The following KLC4 variants were observed in gnomAD, a reference collection of about 807,000 sequenced individuals.
KLC4 encodes the protein kinesin light chain 4.
In KLC4, 49 loss-of-function variants were observed where a neutral mutation model predicts 77.2. The observed-to-expected ratio is 0.63, with a 90% CI of 0.50 to 0.80. KLC4 has a LOEUF of 0.80. KLC4 is among the 30% of genes least tolerant of loss of function. The pLI, the probability that KLC4 is intolerant of heterozygous loss-of-function variation, is 0.00. For synonymous variants in KLC4, 274 were observed against 314.5 expected, an observed-to-expected ratio of 0.87 and a Z score of 1.36; for missense variants, 669 against 793.5, an observed-to-expected ratio of 0.84 and a Z score of 1.89.
chr6:43,073,784 T>G, intron 14 of KLC4, 118 bp from the exon 15 acceptor site: 3 of 833,178 alleles, frequency 3.6e-6, no homozygotes, highest in Non-Finnish European at 6.1e-6. Context: ...GGGCCAGCCA[T>G]GGAGAGAGAG....
At chr6:43,067,525 GTAATCCCAGCAC>G (rs1360079354) in intron 6 of KLC4, 1 of 157,498 alleles carries the variant, frequency 6.3e-6, no homozygotes, top group Non-Finnish European at 1.4e-5. Flanking sequence ...GCTCACGAGT[GTAATCCCAGCAC>G]TAATCCCAGC....
chr6:43,070,025 C>T (rs1765638869), intron 6 of KLC4, among the ~76,000 whole-genome samples: 1 of 151,312 alleles, frequency 6.6e-6, no homozygotes, highest in African/African-American at 2.4e-5. Context: ...CAGAGCTGTC[C>T]CACACATGCA....
chr6:43,066,169 C>T lies in KLC4; in HGVS notation c.572-137C>T. On this transcript the variant is annotated intron_variant, in intron 4 of 15. Coordinates refer to ENST00000347162, the MANE Select transcript of KLC4 (RefSeq NM_201521.3). ...GTCAAGGGAGTGGATAAAAGAATAG[C>T]ACTTGAGGCAGGTCTAATATTGAGA... 6 of 718,498 alleles carry T rather than the reference C, an allele frequency of 8.4e-6. No homozygotes were observed. In the South Asian group the frequency reaches 9.8e-5, roughly 12 times the overall value. 44.5% of individuals were successfully genotyped at this position (718,498 alleles called of 1,614,324 possible).
At chr6:43,067,687 C>G (rs576080758) in intron 6 of KLC4, among the ~76,000 whole-genome samples, 2 of 143,370 alleles carry the variant, frequency 1.4e-5, no homozygotes, top group Non-Finnish European at 3.0e-5. Context: ...CCTAGCTACT[C>G]GGGAGGCTAA....
At chr6:43,070,119 A>T (rs1048156903) in intron 6 of KLC4, among the ~76,000 whole-genome samples, 3 of 152,032 alleles carry the variant, frequency 2.0e-5, no homozygotes, top group South Asian at 4.2e-4. Flanking sequence ...AAAGAAAGAA[A>T]AAAAACACCT....
intron 6 of KLC4, chr6:43,067,490 A>G (rs980094171): frequency 3.4e-4 from 61 of 177,884 alleles, no homozygotes; most frequent in Non-Finnish European, 1.3e-4. Flanking sequence ...GTTAAAAGAA[A>G]TAGCAAAGTG....
At chr6:43,073,137 G>A in intron 13 of KLC4, 86 bp from the exon 14 acceptor site, 1 of 1,336,530 alleles carries the variant, frequency 7.5e-7, no homozygotes, top group Non-Finnish European at 1.0e-6. Context: ...GGTGGGGGAT[G>A]TGTGCAGAAT....
At position 43,072,872 on chromosome 6, in the gene KLC4, A is replaced by C; in HGVS notation, c.1537A>C (p.Ser513Arg). The C allele has an allele frequency of 6.2e-7, 1 of 1,613,354 alleles. No homozygotes were observed. The highest frequency in any genetic ancestry group is 8.5e-7 in the Non-Finnish European group (1 of 1,179,724). The change falls in exon 13 of 16, where the codon AGT becomes CGT. Residue 513 changes from serine (S) to arginine (R), a missense_variant. Physicochemically the swap from Ser to Arg is moderately radical, Grantham distance 110. Transcript: ENST00000347162. Reference sequence around the variant, plus strand: ...GAAGGTGGCAGAGCTGCTTGGGGAGAGTGATGGTAGAAGGACCTCCCAGGA... The same window carrying C: ...GAAGGTGGCAGAGCTGCTTGGGGAGCGTGATGGTAGAAGGACCTCCCAGGA... ...QTKVAELLGE[S>R]DGRRTSQEGP...
intron 1 of KLC4, chr6:43,060,144 G>A (rs1765066106): frequency 3.1e-6 from 5 of 1,602,922 alleles, no homozygotes; most frequent in Non-Finnish European, 4.3e-6. Flanking sequence ...ATCGGGCATT[G>A]TGGAGGCACC....
chr6:43,068,760 G>A (rs1361344234), intron 6 of KLC4, among the ~76,000 whole-genome samples: 5 of 151,982 alleles, frequency 3.3e-5, no homozygotes, highest in South Asian at 2.1e-4. Flanking sequence ...GCAGCGAGCC[G>A]AGATCGCACC....
At chr6:43,061,246 T>G in intron 1 of KLC4, 65 bp from the exon 2 acceptor site, 3 of 1,522,494 alleles carry the variant, frequency 2.0e-6, no homozygotes, top group Non-Finnish European at 2.7e-6. Context: ...CACCACTCTC[T>G]GAGAAAGTTG....
chr6:43,063,408 G>T (rs1208505502), intron 3 of KLC4, among the ~76,000 whole-genome samples: 1 of 152,198 alleles, frequency 6.6e-6, no homozygotes, highest in Non-Finnish European at 1.5e-5. Context: ...GGGGCACACA[G>T]AGTTCCTGCT....
chr6:43,060,659 A>C (rs909721066), intron 1 of KLC4: 3 of 1,089,432 alleles, frequency 2.8e-6, no homozygotes, highest in Non-Finnish European at 3.4e-6. Context: ...GTGGGAACAC[A>C]GTCTGAGTCC....
rs1010449841 is a variant in KLC4 at position 43,060,050 on chromosome 6, T to C, written c.-26+365T>C. 9 of 1,505,922 alleles carry C rather than the reference T, an allele frequency of 6.0e-6. No homozygotes were observed. The Admixed American group carries it at 1.9e-4, about 32-fold the overall frequency. The allele number at this position is 1,505,922 out of a possible 1,614,324, so 93.3% of individuals were successfully genotyped here. On this transcript the variant is annotated intron_variant, in intron 1 of 15. Coordinates refer to ENST00000347162, the MANE Select transcript of KLC4 (RefSeq NM_201521.3). ...GCCCGAGGCACTCCTCTACTGCGTTTCCAGGCCCAGGAGACCCACTCCAGC... is the reference window on the plus strand; with the variant it reads ...GCCCGAGGCACTCCTCTACTGCGTTCCCAGGCCCAGGAGACCCACTCCAGC...
At chr6:43,070,910 G>A in intron 8 of KLC4, 45 bp downstream of exon 8, 1 of 331,068 alleles carries the variant, frequency 3.0e-6, no homozygotes, top group Non-Finnish European at 5.5e-6. Flanking sequence ...GGAGAGGGGG[G>A]CACAGAGGTG....
intron 7 of KLC4, 48 bp from the exon 8 acceptor site, chr6:43,070,644 A>G (rs1403439340): frequency 6.3e-7 from 1 of 1,577,318 alleles, no homozygotes; most frequent in Non-Finnish European, 8.7e-7. Context: ...GTGCTTGTGC[A>G]CACACATGTT....
rs749315902 is a variant in KLC4 at position 43,061,533 on chromosome 6, G to C, written c.198G>C (p.Glu66Asp). 1.1e-5 allele frequency: 18 copies of C among 1,614,072 alleles called. No homozygotes were observed. In the Admixed American group the frequency reaches 2.3e-4, roughly 21 times the overall value. The change falls in exon 2 of 16, where the codon GAG becomes GAC. Residue 66 changes from glutamate to aspartate, a missense_variant. Physicochemically the swap from Glu to Asp is conservative, Grantham distance 45. Coordinates refer to ENST00000347162, the MANE Select transcript of KLC4 (RefSeq NM_201521.3). ...QGGHEEGLVH[E>D]KARQLRRSME... Reference sequence around the variant, plus strand: ...GCCATGAGGAAGGGCTGGTGCATGAGAAGGCCCGGCAGCTTCGCCGTTCTA... The same window carrying C: ...GCCATGAGGAAGGGCTGGTGCATGACAAGGCCCGGCAGCTTCGCCGTTCTA...
chr6:43,065,879 T>C (rs868294575), intron 4 of KLC4, among the ~76,000 whole-genome samples, 178 bp downstream of exon 4: 1 of 152,176 alleles, frequency 6.6e-6, no homozygotes, highest in Non-Finnish European at 1.5e-5. Context: ...TGAACGAACA[T>C]GTATTAAGCA....
In KLC4 at chr6:43,067,054, G is replaced by A. The variant is rs753325985; in HGVS notation, c.850G>A (p.Glu284Lys). The stretch of plus-strand genomic sequence containing the variant: ...GCTGAATGATGCCCTTAGCATCCGG[G>A]AGAGCACCTTGGGACCTGACCATCC... ...HLLNDALSIR[E>K]STLGPDHPAV... Residue 284 changes from glutamate to lysine, a missense_variant, in exon 6 of 16, where the codon GAG becomes AAG. By Grantham distance (56) the Glu-to-Lys change is moderately conservative. Transcript: ENST00000347162. The A allele has an allele frequency of 1.2e-6, 2 of 1,614,060 alleles. No individual in the cohort carries two copies. The highest frequency in any genetic ancestry group is 1.1e-5 in the South Asian group (1 of 91,078).
Sources: gnomAD v4.1 joint callset for allele counts (sites outside exome capture counted in the v4.1 genomes callset) on GRCh38, gnomAD v4.1.1 for gene constraint, MANE v1.5 for transcripts, NCBI Gene and HGNC (gene_info 2026-07-23, HGNC 2026-07-21) for gene names.